ADAM12: variants seen among roughly 807,000 people sequenced by gnomAD.
The protein encoded by ADAM12 is disintegrin and metalloproteinase domain-containing protein 12.
Under a neutral mutation model 106.4 loss-of-function variants are expected in ADAM12, and 70 were observed. That is an observed-to-expected ratio of 0.66 (90% confidence interval 0.54 to 0.80). ADAM12 has a LOEUF of 0.80. Among genes scored for constraint, ADAM12 ranks in the 30% least tolerant of loss-of-function variants. ADAM12 has a pLI of 0.00. For synonymous variants in ADAM12, 420 were observed against 433.5 expected, an observed-to-expected ratio of 0.97 and a Z score of 0.39; for missense variants, 1,010 against 1,171.9, an observed-to-expected ratio of 0.86 and a Z score of 2.02.
At chr10:126,359,053 AAGAG>A (rs956215206) in intron 1 of ADAM12, among the ~76,000 whole-genome samples, 7 of 152,170 alleles carry the variant, frequency 4.6e-5, no homozygotes, top group African/African-American at 1.4e-4. Context: ...GCAGCAAGCA[AAGAG>A]AGAGCCTGTG....
intron 3 of ADAM12, among the ~76,000 whole-genome samples, chr10:126,217,304 G>T (rs1382320142): frequency 6.7e-6 from 1 of 149,854 alleles, no homozygotes; most frequent in Non-Finnish European, 1.5e-5. Context: ...CTACAAGGAA[G>T]AAAAATAAAT....
intron 3 of ADAM12, among the ~76,000 whole-genome samples, chr10:126,207,950 C>T (rs1436209247): frequency 6.6e-6 from 1 of 152,152 alleles, no homozygotes; most frequent in Non-Finnish European, 1.5e-5. Context: ...CAAGGAACAA[C>T]ATATTTCAAT....
At chr10:126,324,802 C>T (rs968895869) in intron 2 of ADAM12, among the ~76,000 whole-genome samples, 2 of 151,856 alleles carry the variant, frequency 1.3e-5, no homozygotes, top group African/African-American at 2.4e-5. Context: ...GCTGGAGGTA[C>T]CTGTAATTGA....
intron 3 of ADAM12, among the ~76,000 whole-genome samples, chr10:126,212,938 A>AACGAATGTTGACCTAAACACC (rs762003937): frequency 4.8e-3 from 728 of 152,264 alleles, no homozygotes; most frequent in Non-Finnish European, 7.9e-3. Context: ...TTCACATACC[A>AACGAATGTTGACCTAAACACC]TAAAACACAG....
At chr10:126,128,121 C>T (rs1277352963) in intron 5 of ADAM12, among the ~76,000 whole-genome samples, 3 of 152,130 alleles carry the variant, frequency 2.0e-5, no homozygotes, top group Admixed American at 6.5e-5. Flanking sequence ...GAGGAAGTCA[C>T]TTTTGTGGTC....
At chr10:126,094,229 ATTTGACTT>A in intron 10 of ADAM12, 96 bp from the exon 11 acceptor site, 1 of 1,211,202 alleles carries the variant, frequency 8.3e-7, no homozygotes, top group Non-Finnish European at 1.2e-6. Context: ...TTTCATTAAC[ATTTGACTT>A]AATGTAATTC....
intron 14 of ADAM12, among the ~76,000 whole-genome samples, chr10:126,051,544 T>C (rs1051667161): frequency 1.8e-3 from 101 of 55,556 alleles, no homozygotes; most frequent in South Asian, 0.011. Flanking sequence ...CACCCATCCA[T>C]CCATCCATCC....
chr10:126,181,678 GA>G (rs1444925245), intron 3 of ADAM12, among the ~76,000 whole-genome samples: 1 of 152,170 alleles, frequency 6.6e-6, no homozygotes, highest in East Asian at 1.9e-4. Context: ...AGGAAGGAGA[GA>G]GGCAGAAGAG....
chr10:126,157,739 C>T (rs1004628207), intron 3 of ADAM12, among the ~76,000 whole-genome samples: 1 of 152,232 alleles, frequency 6.6e-6, no homozygotes, highest in Non-Finnish European at 1.5e-5. Flanking sequence ...TCCTTGGCAG[C>T]GTTGAGCTCT....
At chr10:126,044,461 C>T (rs905677356) in intron 17 of ADAM12, among the ~76,000 whole-genome samples, 1 of 152,072 alleles carries the variant, frequency 6.6e-6, no homozygotes, top group South Asian at 2.1e-4. Flanking sequence ...GTCTAAGGTT[C>T]CCTTCCACAA....
intron 3 of ADAM12, among the ~76,000 whole-genome samples, chr10:126,208,436 G>C (rs1324645194): frequency 6.6e-6 from 1 of 152,166 alleles, no homozygotes; most frequent in Non-Finnish European, 1.5e-5. Context: ...TTCTTGGTTG[G>C]TCAGATGGCT....
rs1953597315 is a variant in ADAM12 at position 126,013,073 on chromosome 10, T to G, written c.*4206A>C. Reference sequence around the variant, plus strand: ...TTTACATTGAGAATTACTTTGTATGTTAAATCTTCTGGCCATCATTATCCA... The same window carrying G: ...TTTACATTGAGAATTACTTTGTATGGTAAATCTTCTGGCCATCATTATCCA... On this transcript the variant is annotated 3_prime_UTR_variant, in exon 23 of 23. Coordinates refer to ENST00000448723, the MANE Select transcript of ADAM12 (RefSeq NM_001288973.2). The surrounding 1 kb of genome is among the most constrained non-coding windows in gnomAD (Gnocchi z 4.3). 6.6e-6 allele frequency: 1 copy of G among 152,226 alleles called. No individual in the cohort carries two copies. The highest frequency in any genetic ancestry group is 1.5e-5 in the Non-Finnish European group (1 of 68,040). The allele number at this position is 152,226 out of a possible 1,614,324, so 9.4% of individuals were successfully genotyped here. A position where few individuals can be genotyped will look rare whatever the true frequency, so the allele number is the denominator to read the frequency against.
chr10:126,076,064 C>T (rs1955094544), intron 11 of ADAM12, among the ~76,000 whole-genome samples: 1 of 152,162 alleles, frequency 6.6e-6, no homozygotes, highest in African/African-American at 2.4e-5. Context: ...GGTTTTTCAG[C>T]TCTTGCTCCC....
intron 4 of ADAM12, among the ~76,000 whole-genome samples, chr10:126,152,894 T>C (rs1956753938): frequency 6.6e-6 from 1 of 152,182 alleles, no homozygotes; most frequent in Non-Finnish European, 1.5e-5. Flanking sequence ...TCCAGTACAA[T>C]ACAAATTCTT....
At chr10:126,082,376 T>TTTTG (rs1385040594) in intron 11 of ADAM12, among the ~76,000 whole-genome samples, 1 of 145,206 alleles carries the variant, frequency 6.9e-6, no homozygotes, top group African/African-American at 2.6e-5. Context: ...TTTTTTTTTT[T>TTTTG]TTTTTTTTTT....
intron 11 of ADAM12, among the ~76,000 whole-genome samples, chr10:126,086,016 G>C (rs1423497095): frequency 2.0e-5 from 3 of 152,202 alleles, no homozygotes; most frequent in African/African-American, 7.2e-5. Flanking sequence ...GTGTGGGAGG[G>C]GGATTGCAGG....
At chr10:126,381,912 C>T (rs977644408) in intron 1 of ADAM12, among the ~76,000 whole-genome samples, 8 of 151,264 alleles carry the variant, frequency 5.3e-5, no homozygotes, top group African/African-American at 1.9e-4. Context: ...AGGGTCAAGG[C>T]TGCAGTGAGC....
intron 3 of ADAM12, among the ~76,000 whole-genome samples, chr10:126,183,351 A>G (rs1297923208): frequency 6.6e-6 from 1 of 152,228 alleles, no homozygotes; most frequent in African/African-American, 2.4e-5. Flanking sequence ...GTCTTCCACA[A>G]AACTGGTCCC....
At chr10:126,239,233 G>T (rs563872575) in intron 3 of ADAM12, among the ~76,000 whole-genome samples, 386 of 152,214 alleles carry the variant, frequency 2.5e-3, no homozygotes, top group Non-Finnish European at 4.4e-3. Flanking sequence ...ATAACAGGTG[G>T]GATATGTAAC....
Sources: gnomAD v4.1 joint callset for allele counts (sites outside exome capture counted in the v4.1 genomes callset) on GRCh38, gnomAD v4.1.1 for gene constraint, Gnocchi (gnomAD v3.1) non-coding constraint, MANE v1.5 for transcripts, NCBI Gene and HGNC (gene_info 2026-07-23, HGNC 2026-07-21) for gene names.